The following CDKAL1 variants were observed in gnomAD, a reference collection of about 807,000 sequenced individuals.
CDKAL1 encodes the protein CDKAL1 threonylcarbamoyladenosine tRNA methylthiotransferase.
A neutral mutation model predicts 68.2 loss-of-function variants in CDKAL1; 32 were observed. The observed-to-expected ratio is 0.47, with a 90% CI of 0.35 to 0.63. The LOEUF (loss-of-function observed/expected upper bound fraction) is 0.63. Ranked by LOEUF, CDKAL1 falls within the 30% of genes least tolerant of loss-of-function variation. CDKAL1 has a pLI of 0.00. For synonymous variants in CDKAL1, 234 were observed against 244.3 expected, an observed-to-expected ratio of 0.96 and a Z score of 0.39; for missense variants, 606 against 696.7, an observed-to-expected ratio of 0.87 and a Z score of 1.47.
intron 4 of CDKAL1, among the ~76,000 whole-genome samples, chr6:20,568,836 G>GC (rs1031808507): frequency 2.6e-5 from 4 of 151,564 alleles, no homozygotes; most frequent in African/African-American, 4.9e-5. Context: ...CTGCCACTCT[G>GC]CCCCCTCATC....
At chr6:21,088,980 T>G (rs1468459783) in intron 12 of CDKAL1, among the ~76,000 whole-genome samples, 1 of 152,054 alleles carries the variant, frequency 6.6e-6, no homozygotes, top group East Asian at 1.9e-4. Context: ...ATATAGACAA[T>G]GTTAAATGAT....
intron 4 of CDKAL1, among the ~76,000 whole-genome samples, chr6:20,594,309 G>C (rs4712512): frequency 0.81 from 122,963 of 152,096 alleles, 50,055 homozygotes; most frequent in Middle Eastern, 0.91. Flanking sequence ...GTGTGAGAGT[G>C]TAAATCTCTT....
At chr6:20,577,576 T>G (rs1764966008) in intron 4 of CDKAL1, among the ~76,000 whole-genome samples, 3 of 152,222 alleles carry the variant, frequency 2.0e-5, no homozygotes, top group African/African-American at 7.2e-5. Context: ...ATGGAATAGG[T>G]GCTCAGTAAG....
intron 7 of CDKAL1, among the ~76,000 whole-genome samples, chr6:20,774,712 C>T (rs1775100261): frequency 6.6e-6 from 1 of 152,180 alleles, no homozygotes; most frequent in Non-Finnish European, 1.5e-5. Context: ...AATGTGCACA[C>T]AGCAGTGAAT....
chr6:21,075,342 C>A (rs4280955), intron 12 of CDKAL1, among the ~76,000 whole-genome samples: 1 of 151,920 alleles, frequency 6.6e-6, no homozygotes, highest in South Asian at 2.1e-4. Flanking sequence ...GTGTTTTAAT[C>A]TATTATGGCA....
At chr6:20,822,572 A>G (rs138003257) in intron 8 of CDKAL1, among the ~76,000 whole-genome samples, 294 of 152,286 alleles carry the variant, frequency 1.9e-3, no homozygotes, top group African/African-American at 5.8e-3. Flanking sequence ...TCCTCACCCA[A>G]ATCTCATCTT....
chr6:20,776,525 A>C (rs1352248582), intron 7 of CDKAL1, among the ~76,000 whole-genome samples: 1 of 152,230 alleles, frequency 6.6e-6, no homozygotes, highest in African/African-American at 2.4e-5. Context: ...TAAGCAATAA[A>C]GCTTTCTGAA....
chr6:20,823,320 T>G (rs959488442), intron 8 of CDKAL1, among the ~76,000 whole-genome samples: 1 of 152,210 alleles, frequency 6.6e-6, no homozygotes, highest in East Asian at 1.9e-4. Flanking sequence ...TGCATTTGTA[T>G]TATTCTACCC....
At chr6:21,088,413 G>A (rs1410093729) in intron 12 of CDKAL1, among the ~76,000 whole-genome samples, 1 of 152,162 alleles carries the variant, frequency 6.6e-6, no homozygotes, top group Non-Finnish European at 1.5e-5. Context: ...TTGGTTTTCG[G>A]TTGTCATTTT....
At chr6:20,935,290 C>G (rs1045625450) in intron 9 of CDKAL1, among the ~76,000 whole-genome samples, 2 of 152,080 alleles carry the variant, frequency 1.3e-5, no homozygotes, top group Non-Finnish European at 2.9e-5. Context: ...TTAGCCTTCT[C>G]TAAGTGGAAA....
intron 2 of CDKAL1, among the ~76,000 whole-genome samples, chr6:20,541,586 G>C (rs1763387907): frequency 1.3e-5 from 2 of 152,168 alleles, no homozygotes; most frequent in Non-Finnish European, 2.9e-5. Context: ...TTGTGGCCAG[G>C]AGGATGAGTT....
chr6:20,890,080 A>G (rs1215962539), intron 9 of CDKAL1, among the ~76,000 whole-genome samples: 6 of 152,148 alleles, frequency 3.9e-5, no homozygotes, highest in African/African-American at 7.2e-5. Flanking sequence ...TAGATTTTCC[A>G]TCAAATAAAA....
At chr6:20,777,515 T>A (rs1302434551) in intron 7 of CDKAL1, among the ~76,000 whole-genome samples, 1 of 152,088 alleles carries the variant, frequency 6.6e-6, no homozygotes, top group Non-Finnish European at 1.5e-5. Context: ...CTCAGGAGGC[T>A]GAGATGGAAG....
chr6:20,682,740 G>A (rs1770438464), intron 5 of CDKAL1, among the ~76,000 whole-genome samples: 1 of 152,132 alleles, frequency 6.6e-6, no homozygotes, highest in Admixed American at 6.5e-5. Flanking sequence ...TTCCTTTAAA[G>A]CATCTGAGAT....
At chr6:21,113,628 C>T (rs771048397) in intron 13 of CDKAL1, among the ~76,000 whole-genome samples, 5 of 151,860 alleles carry the variant, frequency 3.3e-5, no homozygotes, top group African/African-American at 7.3e-5. Context: ...TCAGCCTACC[C>T]GGCTAACTTT....
At chr6:20,666,429 T>G (rs1163988082) in intron 5 of CDKAL1, among the ~76,000 whole-genome samples, 1 of 151,478 alleles carries the variant, frequency 6.6e-6, no homozygotes, top group Non-Finnish European at 1.5e-5. Flanking sequence ...TGCCCCTTGA[T>G]TTAGCAGTCC....
intron 9 of CDKAL1, among the ~76,000 whole-genome samples, chr6:20,926,540 G>A (rs13203127): frequency 6.6e-6 from 1 of 152,022 alleles, no homozygotes; most frequent in Non-Finnish European, 1.5e-5. Context: ...AAAAATAAAT[G>A]CATATTCATG....
intron 9 of CDKAL1, among the ~76,000 whole-genome samples, chr6:20,920,144 G>A (rs1762884961): frequency 6.6e-6 from 1 of 152,154 alleles, no homozygotes; most frequent in Non-Finnish European, 1.5e-5. Context: ...AGCTGCTGTT[G>A]CTTATGACTA....
At chr6:20,862,488 C>G (rs1759682503) in intron 9 of CDKAL1, among the ~76,000 whole-genome samples, 3 of 152,108 alleles carry the variant, frequency 2.0e-5, no homozygotes, top group Admixed American at 2.0e-4. Flanking sequence ...GTCTGCAATA[C>G]TTGGAAAATG....
Sources: gnomAD v4.1 joint callset for allele counts (sites outside exome capture counted in the v4.1 genomes callset) on GRCh38, gnomAD v4.1.1 for gene constraint, MANE v1.5 for transcripts, NCBI Gene and HGNC (gene_info 2026-07-23, HGNC 2026-07-21) for gene names.